Variants in LSM14A observed in about 807,000 individuals in gnomAD.
LSM14A encodes the protein LSM14A mRNA processing body assembly factor.
Under a neutral mutation model 52.4 loss-of-function variants are expected in LSM14A, and 14 were observed. That is an observed-to-expected ratio of 0.27 (90% CI 0.18 to 0.42). LSM14A has a LOEUF of 0.42. Among genes scored for constraint, LSM14A ranks in the 10% least tolerant of loss-of-function variants. The pLI is 1.00. For synonymous variants in LSM14A, 185 were observed against 200.3 expected (o/e 0.92, Z 0.64); for missense variants, 417 against 581.8 (o/e 0.72, Z 2.91).
At position 34,209,328 on chromosome 19, in the gene LSM14A, A is replaced by T. The variant is rs183005815; in HGVS notation, c.538+277A>T. ...AGCAATTATATAACTTGTATGTAAC[A>T]CTTAAATATATCAAATTAGGCTCAT... On this transcript the variant is annotated intron_variant, in intron 4 of 9. Coordinates refer to ENST00000544216, the MANE Select transcript of LSM14A (RefSeq NM_015578.4). Among the ~76,000 whole-genome samples, 7 of 152,348 alleles carry T rather than the reference A, an allele frequency of 4.6e-5. No individual in the cohort carries two copies. The East Asian group carries it at 1.3e-3, about 29-fold the overall frequency.
At chr19:34,212,424 C>T (rs2072232634) in intron 4 of LSM14A, among the ~76,000 whole-genome samples, 1 of 152,100 alleles carries the variant, frequency 6.6e-6, no homozygotes. Flanking sequence ...GAGAAAGTCA[C>T]TCTAGATTCT....
intron 1 of LSM14A, among the ~76,000 whole-genome samples, chr19:34,181,126 G>A (rs2069450341): frequency 6.6e-6 from 1 of 152,070 alleles, no homozygotes. Context: ...TCTTATTTCT[G>A]TCTAAGACCA....
chr19:34,176,080 C>A (rs1349154494), intron 1 of LSM14A, among the ~76,000 whole-genome samples: 1 of 152,134 alleles, frequency 6.6e-6, no homozygotes, highest in Non-Finnish European at 1.5e-5. Context: ...AAACTCCTGA[C>A]CTCAGATGAT....
chr19:34,226,735 C>T (rs2073366892), intron 9 of LSM14A, among the ~76,000 whole-genome samples: 1 of 152,192 alleles, frequency 6.6e-6, no homozygotes, highest in African/African-American at 2.4e-5. Context: ...TGGCTCCAGC[C>T]CTTTGTACAG....
At chr19:34,215,043 ACT>A in intron 4 of LSM14A, 79 bp from the exon 5 acceptor site, 3 of 1,171,532 alleles carry the variant, frequency 2.6e-6, no homozygotes, top group Non-Finnish European at 3.6e-6. Context: ...TAGAAATAAA[ACT>A]CTGGACAATT....
chr19:34,188,216 G>C (rs946777642), intron 1 of LSM14A, among the ~76,000 whole-genome samples: 24 of 152,096 alleles, frequency 1.6e-4, no homozygotes, highest in African/African-American at 5.6e-4. Flanking sequence ...AGCTTGGGAG[G>C]TAAAAGTTGC....
chr19:34,224,424 T>G (rs986526854), intron 9 of LSM14A, among the ~76,000 whole-genome samples: 1 of 152,232 alleles, frequency 6.6e-6, no homozygotes, highest in Non-Finnish European at 1.5e-5. Flanking sequence ...GTCACACTGT[T>G]TATCATTTTG....
chr19:34,180,834 T>C (rs906347404), intron 1 of LSM14A, among the ~76,000 whole-genome samples: 1 of 152,204 alleles, frequency 6.6e-6, no homozygotes, highest in Non-Finnish European at 1.5e-5. Context: ...TCTAAATTTA[T>C]GTTCGCTAGC....
At chr19:34,208,634 GGT>G (rs2071887133) in intron 3 of LSM14A, 1 of 221,868 alleles carries the variant, frequency 4.5e-6, no homozygotes, top group African/African-American at 2.3e-5. Flanking sequence ...AGTTGGTATG[GGT>G]CCTTGCTGTC....
chr19:34,226,324 T>G, intron 9 of LSM14A: 1 of 1,277,100 alleles, frequency 7.8e-7, no homozygotes, highest in Non-Finnish European at 1.1e-6. Flanking sequence ...CTCTCTCTCC[T>G]CTCCCCCTTT....
At chr19:34,221,251 T>G in intron 8 of LSM14A, 4 of 441,726 alleles carry the variant, frequency 9.1e-6, no homozygotes, top group Non-Finnish European at 1.6e-5. Context: ...CCCAGCTATT[T>G]TTTGTATTTT....
intron 3 of LSM14A, among the ~76,000 whole-genome samples, chr19:34,204,127 T>A (rs1049408745): frequency 6.6e-6 from 1 of 152,170 alleles, no homozygotes; most frequent in Non-Finnish European, 1.5e-5. Flanking sequence ...ATCAAGAAGA[T>A]ACAACAGTCC....
intron 4 of LSM14A, among the ~76,000 whole-genome samples, chr19:34,211,589 C>T (rs1002351569): frequency 1.3e-5 from 2 of 149,160 alleles, no homozygotes; most frequent in South Asian, 4.4e-4. Context: ...GAGTTTGAGA[C>T]CAGCCTGAGC....
chr19:34,183,859 A>C, intron 1 of LSM14A, among the ~76,000 whole-genome samples: 1 of 152,180 alleles, frequency 6.6e-6, no homozygotes, highest in East Asian at 1.9e-4. Context: ...TTTATTGGGT[A>C]TAAGTTACAA....
intron 1 of LSM14A, among the ~76,000 whole-genome samples, chr19:34,176,967 A>G (rs1469315911): frequency 6.6e-6 from 1 of 152,164 alleles, no homozygotes; most frequent in Non-Finnish European, 1.5e-5. Flanking sequence ...ATTCTAGCCA[A>G]TCCTGGTGGG....
chr19:34,187,010 C>T (rs918485638), intron 1 of LSM14A, among the ~76,000 whole-genome samples: 21 of 151,368 alleles, frequency 1.4e-4, no homozygotes, highest in Non-Finnish European at 1.2e-4. Flanking sequence ...GAGTCCAAGG[C>T]GGGCAGATCA....
chr19:34,219,745 A>T lies in LSM14A; in HGVS notation c.1004A>T (p.Glu335Val). ...AAACAGGAGAAGCCTGTAAATGGTG[A>T]AGATAAAGGAGACTCAGGAGTTGAT... ...LEKQEKPVNG[E>V]DKGDSGVDTQ... Residue 335 changes from glutamate to valine, a missense_variant, in exon 8 of 10, where the codon GAA becomes GTA. Glu to Val is a moderately radical substitution (Grantham distance 121). This residue lies in a region of LSM14A where 357 missense variants were observed against 457.0 expected (regional missense o/e 0.78). Coordinates refer to ENST00000544216, the MANE Select transcript of LSM14A (RefSeq NM_015578.4). The T allele has an allele frequency of 6.2e-7, 1 of 1,613,346 alleles. No homozygotes were observed. The highest frequency in any genetic ancestry group is 8.5e-7 in the Non-Finnish European group (1 of 1,179,796).
intron 3 of LSM14A, among the ~76,000 whole-genome samples, chr19:34,202,172 G>GT (rs2071346133): frequency 1.0e-5 from 1 of 98,256 alleles, no homozygotes; most frequent in Non-Finnish European, 2.2e-5. Flanking sequence ...TTTGGTTTTT[G>GT]TTTTGTTTTG....
rs117658526 is a variant in LSM14A at position 34,183,657 on chromosome 19, T to C, written c.122-10821T>C. Among the ~76,000 whole-genome samples the C allele has an allele frequency of 7.6e-4, 115 of 152,298 alleles. No homozygotes were observed. In the East Asian group the frequency reaches 0.02, roughly 26 times the overall value. ...TGAAAAGCAAATAGATGAGTTTAAA[T>C]GACTTAGCAAAGTTGAGAGCCGCAA... On this transcript the variant is annotated intron_variant, in intron 1 of 9. Transcript: ENST00000544216.
Sources: gnomAD v4.1 joint callset for allele counts (sites outside exome capture counted in the v4.1 genomes callset) on GRCh38, gnomAD v4.1.1 for gene constraint, gnomAD v4.1.1 regional missense constraint, MANE v1.5 for transcripts, NCBI Gene and HGNC (gene_info 2026-07-23, HGNC 2026-07-21) for gene names.